PTPRD: variants seen among roughly 807,000 people sequenced by gnomAD.
The protein encoded by PTPRD is receptor-type tyrosine-protein phosphatase delta.
A neutral mutation model predicts 214.5 loss-of-function variants in PTPRD; 34 were observed. That is an observed-to-expected ratio of 0.16 (90% CI 0.12 to 0.21). The LOEUF is 0.21. Ranked by LOEUF, PTPRD falls within the 10% of genes least tolerant of loss-of-function variation. The pLI, the probability that PTPRD is intolerant of heterozygous loss-of-function variation, is 1.00. For synonymous variants in PTPRD, 1,128 were observed against 845.7 expected (o/e 1.33, Z -5.79); for missense variants, 2,545 against 2,398.7 (o/e 1.06, Z -1.27).
chr9:9,514,439 A>G (rs1263343590), intron 8 of PTPRD, among the ~76,000 whole-genome samples: 1 of 152,118 alleles, frequency 6.6e-6, no homozygotes, highest in Non-Finnish European at 1.5e-5. Flanking sequence ...GCAAAAGACA[A>G]GTACTTGGAA....
chr9:8,356,003 A>C (rs1290458473), intron 39 of PTPRD, among the ~76,000 whole-genome samples: 2 of 152,228 alleles, frequency 1.3e-5, no homozygotes, highest in East Asian at 3.9e-4. Context: ...AAATTTAAAA[A>C]AATCAAAATC....
chr9:9,380,299 A>G (rs1596710552), intron 9 of PTPRD, among the ~76,000 whole-genome samples: 1 of 152,202 alleles, frequency 6.6e-6, no homozygotes, highest in South Asian at 2.1e-4. Context: ...AATATATTTA[A>G]AATTGTCTTG....
intron 25 of PTPRD, among the ~76,000 whole-genome samples, chr9:8,499,024 G>GT (rs1435508504): frequency 6.6e-6 from 1 of 150,682 alleles, no homozygotes; most frequent in Non-Finnish European, 1.5e-5. Context: ...CTCATTTTTA[G>GT]TACCTTTTTT....
rs547706124 is a variant in PTPRD at position 8,669,793 on chromosome 9, G to A, written c.65-32949C>T. Among the ~76,000 whole-genome samples, 71 of 152,280 alleles carry A rather than the reference G, an allele frequency of 4.7e-4. No homozygotes were observed. The Middle Eastern group carries it at 0.014, about 29-fold the overall frequency. On this transcript the variant is annotated intron_variant, in intron 12 of 45. Coordinates refer to ENST00000381196, the MANE Select transcript of PTPRD (RefSeq NM_002839.4). ...ATGCCAGTTAAAAGAAGTCATAGAGGTTATGAATAACGTGGAGGTTATGAA... is the reference window on the plus strand; with the variant it reads ...ATGCCAGTTAAAAGAAGTCATAGAGATTATGAATAACGTGGAGGTTATGAA...
At chr9:10,057,704 C>T (rs1297492211) in intron 3 of PTPRD, among the ~76,000 whole-genome samples, 2 of 151,614 alleles carry the variant, frequency 1.3e-5, no homozygotes, top group African/African-American at 2.4e-5. Flanking sequence ...ATTAGCTGGG[C>T]GTGGTGCACG....
At chr9:9,841,387 G>A (rs550305420) in intron 5 of PTPRD, among the ~76,000 whole-genome samples, 1 of 151,858 alleles carries the variant, frequency 6.6e-6, no homozygotes, top group South Asian at 2.1e-4. Context: ...TAAGTCTTCT[G>A]TTCCTGATGT....
At chr9:9,109,296 T>G (rs1161772758) in intron 10 of PTPRD, among the ~76,000 whole-genome samples, 2 of 152,158 alleles carry the variant, frequency 1.3e-5, no homozygotes, top group Admixed American at 1.3e-4. Context: ...GCATTTTTCT[T>G]TCAGGACTAC....
intron 9 of PTPRD, among the ~76,000 whole-genome samples, chr9:9,360,361 T>C (rs2055609778): frequency 6.6e-6 from 1 of 151,206 alleles, no homozygotes. Flanking sequence ...GAAATCTGAA[T>C]CTATGGAAGC....
At chr9:8,965,958 A>G (rs2099191643) in intron 11 of PTPRD, among the ~76,000 whole-genome samples, 1 of 152,134 alleles carries the variant, frequency 6.6e-6, no homozygotes, top group Non-Finnish European at 1.5e-5. Context: ...TACAAAATCA[A>G]TGTACAAAAA....
At chr9:8,678,910 T>G (rs1022426003) in intron 12 of PTPRD, among the ~76,000 whole-genome samples, 2 of 152,188 alleles carry the variant, frequency 1.3e-5, no homozygotes, top group Non-Finnish European at 2.9e-5. Context: ...TAAAATGCTT[T>G]GGTAAAGAAT....
At chr9:8,934,427 A>C (rs1041547174) in intron 11 of PTPRD, among the ~76,000 whole-genome samples, 1 of 63,464 alleles carries the variant, frequency 1.6e-5, no homozygotes, top group Non-Finnish European at 2.9e-5. Flanking sequence ...GTGTGTATAT[A>C]TATATATAAA....
chr9:9,609,246 C>T (rs1484012500), intron 7 of PTPRD, among the ~76,000 whole-genome samples: 1 of 151,906 alleles, frequency 6.6e-6, no homozygotes, highest in Non-Finnish European at 1.5e-5. Flanking sequence ...AAATGATGAA[C>T]CTAAAATAGA....
intron 5 of PTPRD, among the ~76,000 whole-genome samples, chr9:9,918,351 TAAAAAA>T (rs3050147): frequency 9.8e-6 from 1 of 101,922 alleles, no homozygotes; most frequent in African/African-American, 3.7e-5. Context: ...ACCAAAGAGG[TAAAAAA>T]AAAAAAAAAA....
At chr9:10,025,672 C>G (rs189097014) in intron 4 of PTPRD, among the ~76,000 whole-genome samples, 3 of 152,074 alleles carry the variant, frequency 2.0e-5, no homozygotes, top group Non-Finnish European at 4.4e-5. Flanking sequence ...ATTAGATAAC[C>G]TTTAAATCCC....
At chr9:9,147,089 A>G (rs1407530444) in intron 10 of PTPRD, among the ~76,000 whole-genome samples, 1 of 152,170 alleles carries the variant, frequency 6.6e-6, no homozygotes, top group Non-Finnish European at 1.5e-5. Context: ...TACAAGTATG[A>G]GATTAGACCT....
At chr9:8,847,633 T>C (rs2097724807) in intron 11 of PTPRD, among the ~76,000 whole-genome samples, 1 of 152,154 alleles carries the variant, frequency 6.6e-6, no homozygotes, top group Non-Finnish European at 1.5e-5. Flanking sequence ...AAAAATAATT[T>C]TCCAAATCAT....
At chr9:10,430,925 T>A (rs113607655) in intron 2 of PTPRD, among the ~76,000 whole-genome samples, 2,405 of 152,066 alleles carry the variant, frequency 0.016, 47 homozygotes, top group South Asian at 0.047. Context: ...TATTTTAAGC[T>A]TTTATACACT....
chr9:8,785,321 G>C (rs2095897287), intron 11 of PTPRD, among the ~76,000 whole-genome samples: 1 of 152,166 alleles, frequency 6.6e-6, no homozygotes, highest in Non-Finnish European at 1.5e-5. Context: ...AGTGCAAAAG[G>C]AATTACCCAT....
chr9:10,287,029 G>A (rs2095378506), intron 3 of PTPRD, among the ~76,000 whole-genome samples: 1 of 152,162 alleles, frequency 6.6e-6, no homozygotes, highest in Non-Finnish European at 1.5e-5. Context: ...GTAGGAAACA[G>A]CTCAGCAAAT....
Sources: allele counts gnomAD v4.1 joint callset (sites outside exome capture counted in the v4.1 genomes callset), GRCh38; gene constraint gnomAD v4.1.1; transcripts MANE v1.5; gene names NCBI Gene and HGNC (gene_info 2026-07-23, HGNC 2026-07-21).